Variants in SMYD2 observed in about 807,000 individuals in gnomAD.
SMYD2 encodes the protein N-lysine methyltransferase SMYD2.
A neutral mutation model predicts 59.1 loss-of-function variants in SMYD2; 53 were observed. The observed-to-expected ratio is 0.90, with a 90% CI of 0.72 to 1.13. SMYD2 has a LOEUF of 1.13. Ranked by LOEUF, SMYD2 falls within the 50% of genes most tolerant of loss-of-function variation. The probability of loss-of-function intolerance (pLI) is 0.00; values close to 1 mark genes in which losing one functional copy is unlikely to be tolerated. For missense variants in SMYD2, 494 were observed against 544.7 expected (o/e 0.91, Z 0.93); for synonymous variants, 208 against 198.8 (o/e 1.05, Z -0.39).
At chr1:214,308,972 G>T (rs1656957809) in intron 2 of SMYD2, among the ~76,000 whole-genome samples, 1 of 152,174 alleles carries the variant, frequency 6.6e-6, no homozygotes, top group African/African-American at 2.4e-5. Flanking sequence ...TGCGTCCATT[G>T]TTGCCTTGGC....
intron 2 of SMYD2, among the ~76,000 whole-genome samples, chr1:214,313,661 A>T (rs1657035378): frequency 6.6e-6 from 1 of 152,060 alleles, no homozygotes; most frequent in Non-Finnish European, 1.5e-5. Flanking sequence ...ATGATTCCAA[A>T]TCACATTCTC....
intron 9 of SMYD2, 29 bp from the exon 10 acceptor site, chr1:214,331,989 C>T (rs754877156): frequency 5.6e-6 from 9 of 1,599,932 alleles, no homozygotes; most frequent in African/African-American, 2.7e-5. Context: ...AGCTTGGGCC[C>T]GGTGGCCCTT....
Position 214,337,113 on chromosome 1 carries a change from T to C in SMYD2, c.*329T>C, listed in dbSNP as rs546147161. On this transcript the variant is annotated 3_prime_UTR_variant, in exon 12 of 12. Transcript: ENST00000366957. ...TCTGAACAAACTTGAATGATGAAAGTATTAAAGAGATATCAGTATTTGAGG... is the reference window on the plus strand; with the variant it reads ...TCTGAACAAACTTGAATGATGAAAGCATTAAAGAGATATCAGTATTTGAGG... The C allele has an allele frequency of 1.5e-5, 3 of 199,098 alleles. No individual in the cohort carries two copies. The highest frequency in any genetic ancestry group is 4.7e-5 in the African/African-American group (2 of 42,372). 12.3% of individuals were successfully genotyped at this position (199,098 alleles called of 1,614,324 possible). A position where few individuals can be genotyped will look rare whatever the true frequency, so the allele number is the denominator to read the frequency against.
At chr1:214,301,831 A>G (rs9429917) in intron 1 of SMYD2, among the ~76,000 whole-genome samples, 5,180 of 151,568 alleles carry the variant, frequency 0.034, 313 homozygotes, top group African/African-American at 0.12. Context: ...TCAGTTTACA[A>G]TGCCAGTGAT....
chr1:214,301,010 T>G (rs182853780), intron 1 of SMYD2, among the ~76,000 whole-genome samples: 4 of 152,342 alleles, frequency 2.6e-5, no homozygotes, highest in Admixed American at 2.0e-4. Flanking sequence ...GTTTATTCAT[T>G]TTAAAATGAC....
At chr1:214,294,443 G>A (rs548048032) in intron 1 of SMYD2, among the ~76,000 whole-genome samples, 6 of 152,296 alleles carry the variant, frequency 3.9e-5, no homozygotes, top group South Asian at 2.1e-4. Context: ...CAAGACGGGC[G>A]GATGGCTTGA....
chr1:214,315,068 G>A (rs1170126652), intron 3 of SMYD2, among the ~76,000 whole-genome samples, 196 bp downstream of exon 3: 2 of 152,134 alleles, frequency 1.3e-5, no homozygotes, highest in African/African-American at 4.8e-5. Context: ...GTGCAATTAG[G>A]ATGTTGCTTA....
chr1:214,316,050 T>C (rs1277628306), intron 3 of SMYD2, among the ~76,000 whole-genome samples: 5 of 152,196 alleles, frequency 3.3e-5, no homozygotes, highest in African/African-American at 4.8e-5. Flanking sequence ...CCATAGAACT[T>C]GTCCTTGTGA....
intron 2 of SMYD2, among the ~76,000 whole-genome samples, chr1:214,313,510 T>C (rs1056638035): frequency 2.7e-5 from 4 of 148,592 alleles, no homozygotes; most frequent in African/African-American, 7.4e-5. Flanking sequence ...ATATTTCCCA[T>C]CTAAAAAAAA....
At chr1:214,285,570 C>G (rs551756816) in intron 1 of SMYD2, among the ~76,000 whole-genome samples, 1 of 152,270 alleles carries the variant, frequency 6.6e-6, no homozygotes, top group African/African-American at 2.4e-5. Flanking sequence ...GGTGGTAAGA[C>G]TAAAACATAC....
chr1:214,300,062 C>A (rs1244368764), intron 1 of SMYD2, among the ~76,000 whole-genome samples: 2 of 152,196 alleles, frequency 1.3e-5, no homozygotes, highest in Non-Finnish European at 2.9e-5. Flanking sequence ...GTGATGGTAT[C>A]ATTTATATTC....
chr1:214,291,723 AC>A (rs1308631126), intron 1 of SMYD2, among the ~76,000 whole-genome samples: 2 of 152,224 alleles, frequency 1.3e-5, no homozygotes, highest in Non-Finnish European at 2.9e-5. Context: ...TTCCAGTCCT[AC>A]AACTACAACA....
chr1:214,304,484 G>A (rs988219946), intron 1 of SMYD2, among the ~76,000 whole-genome samples: 5 of 139,276 alleles, frequency 3.6e-5, no homozygotes, highest in Non-Finnish European at 7.5e-5. Context: ...GCCTACGCCC[G>A]GGAAGTCGAA....
intron 1 of SMYD2, among the ~76,000 whole-genome samples, chr1:214,289,459 C>G (rs1656601753): frequency 6.6e-6 from 1 of 152,156 alleles, no homozygotes. Flanking sequence ...TGACTCCCCC[C>G]ATCCACACAC....
intron 1 of SMYD2, among the ~76,000 whole-genome samples, chr1:214,292,972 T>C (rs1005835436): frequency 6.6e-6 from 1 of 151,886 alleles, no homozygotes; most frequent in Non-Finnish European, 1.5e-5. Flanking sequence ...AAGATCCAGC[T>C]CAAATTGCAT....
intron 5 of SMYD2, among the ~76,000 whole-genome samples, chr1:214,322,018 G>T (rs1226001331): frequency 6.6e-6 from 1 of 152,170 alleles, no homozygotes; most frequent in Non-Finnish European, 1.5e-5. Flanking sequence ...GGGACTGATG[G>T]TCATAAAGTG....
intron 1 of SMYD2, among the ~76,000 whole-genome samples, chr1:214,291,405 TACAG>T (rs1346092122): frequency 1.3e-5 from 2 of 152,224 alleles, no homozygotes; most frequent in Non-Finnish European, 2.9e-5. Flanking sequence ...CCCTTTGGCA[TACAG>T]AGCACTTTCC....
At position 214,281,353 on chromosome 1, in the gene SMYD2, G is replaced by T; in HGVS notation, c.99G>T (p.Leu33=). 6.9e-7 allele frequency: 1 copy of T among 1,453,044 alleles called. No homozygotes were observed. The highest frequency in any genetic ancestry group is 1.5e-5 in the South Asian group (1 of 66,706). The allele number at this position is 1,453,044 out of a possible 1,614,324, so 90.0% of individuals were successfully genotyped here. Residue 33 remains leucine, a synonymous_variant, in exon 1 of 12, where the codon CTG becomes CTT. Coordinates refer to ENST00000366957, the MANE Select transcript of SMYD2 (RefSeq NM_020197.3). ...AGCCCTTCCAGGTGGGGGACTTGCT[G>T]TTCTCCTGCCCGGCCTATGCCTACG... The part of the protein sequence containing the change: ...ALQPFQVGDL[L]FSCPAYAYVL...
chr1:214,330,740 GA>G (rs1189652551), intron 8 of SMYD2, among the ~76,000 whole-genome samples: 7 of 152,228 alleles, frequency 4.6e-5, no homozygotes, highest in Non-Finnish European at 8.8e-5. Flanking sequence ...GGAGTATCTA[GA>G]AAATTAATCT....
Sources: allele counts gnomAD v4.1 joint callset (sites outside exome capture counted in the v4.1 genomes callset), GRCh38; gene constraint gnomAD v4.1.1; transcripts MANE v1.5; gene names NCBI Gene and HGNC (gene_info 2026-07-23, HGNC 2026-07-21).